LRPAP1: variants seen among roughly 807,000 people sequenced by gnomAD.
The protein encoded by LRPAP1 is alpha-2-macroglobulin receptor-associated protein.
A neutral mutation model predicts 39.9 loss-of-function variants in LRPAP1; 41 were observed. The ratio of observed to expected loss-of-function variants is 1.03; its 90% CI spans 0.80 to 1.33. The LOEUF (loss-of-function observed/expected upper bound fraction) is 1.33, where lower values mean the gene tolerates loss of function less well. Among genes scored for constraint, LRPAP1 ranks in the 40% most tolerant of loss-of-function variants. The probability of loss-of-function intolerance (pLI) is 0.00; values close to 1 mark genes in which losing one functional copy is unlikely to be tolerated. For synonymous variants in LRPAP1, 263 were observed against 212.7 expected (o/e 1.24, Z -2.06); for missense variants, 565 against 482.3 (o/e 1.17, Z -1.61).
chr4:3,518,971 G>C lies in LRPAP1; in HGVS notation c.492C>G (p.Phe164Leu), dbSNP rs765366946. The stretch of plus-strand genomic sequence containing the variant: ...AGAGCTTGTCCAGTTCTTCGCCGGA[G>C]AATTTCCCAGAGGTCTTCGCCTAAG... ...LWHKAKTSGK[F>L]SGEELDKLWR... Residue 164 changes from phenylalanine to leucine, a missense_variant, in exon 4 of 8, where the codon TTC becomes TTG. Transcript: ENST00000650182. The C allele has an allele frequency of 9.3e-6, 15 of 1,613,904 alleles. No individual in the cohort carries two copies. Among genetic ancestry groups the C allele is most frequent in the Non-Finnish European group, 1.3e-5 (15 of 1,179,972 alleles).
intron 1 of LRPAP1, among the ~76,000 whole-genome samples, chr4:3,525,380 A>G (rs1279859834): frequency 6.6e-6 from 1 of 152,188 alleles, no homozygotes; most frequent in Non-Finnish European, 1.5e-5. Context: ...TCGGATAAAC[A>G]GAGCAGGAAG....
intron 2 of LRPAP1, among the ~76,000 whole-genome samples, chr4:3,523,355 ATG>A (rs1390728798): frequency 6.6e-6 from 1 of 152,154 alleles, no homozygotes; most frequent in Non-Finnish European, 1.5e-5. Flanking sequence ...TGTTTCAGCC[ATG>A]TCTCTCTTCC....
rs138047359 is a variant in LRPAP1 at position 3,528,045 on chromosome 4, G to C, written c.205-2994C>G. 4.5e-3 allele frequency among the ~76,000 whole-genome samples: 684 copies of C among 152,254 alleles called. 5 individuals are homozygous for C. Among genetic ancestry groups the C allele is most frequent in the African/African-American group, 0.015 (642 of 41,538 alleles). ...GGCTGCCAGTGCTCAGCGCAGAAGG[G>C]GCCAGCCTGGCAGCACCACCACAAA... On this transcript the variant is annotated intron_variant, in intron 1 of 7. Transcript: ENST00000650182.
rs914144626 is a variant in LRPAP1 at position 3,510,949 on chromosome 4, A to G, written c.*2025T>C. ...GACCAGCCACACCCATGGAACTAAC[A>G]CTCGGTATCTGGGTTTTTTGTGTAA... On this transcript the variant is annotated 3_prime_UTR_variant, in exon 8 of 8. Transcript: ENST00000650182. 1.1e-4 allele frequency: 16 copies of G among 152,070 alleles called. No individual in the cohort carries two copies. The highest frequency in any genetic ancestry group is 3.4e-4 in the African/African-American group (14 of 41,352). The allele number at this position is 152,070 out of a possible 1,614,324, so 9.4% of individuals were successfully genotyped here.
At chr4:3,529,795 G>A (rs1243016611) in intron 1 of LRPAP1, among the ~76,000 whole-genome samples, 1 of 152,176 alleles carries the variant, frequency 6.6e-6, no homozygotes, top group Non-Finnish European at 1.5e-5. Flanking sequence ...TTCCTGAAAC[G>A]CTCCCTTCAC....
In LRPAP1 at chr4:3,516,164, G is replaced by T; in HGVS notation, c.786C>A (p.Asp262Glu). 1.3e-6 allele frequency: 2 copies of T among 1,582,230 alleles called. No homozygotes were observed. Among genetic ancestry groups the T allele is most frequent in the Non-Finnish European group, 1.7e-6 (2 of 1,164,646 alleles). The change falls in exon 6 of 8, where the codon GAC (aspartate) becomes GAA (glutamate). Residue 262 changes from aspartate (D) to glutamate (E), a missense_variant. Asp to Glu is a conservative substitution (Grantham distance 45, BLOSUM62 2). Transcript: ENST00000650182. ...FEEPRVIDLW[D>E]LAQSANLTDK... ...CCGTGAGGTTGGCGGACTGCGCCAG[G>T]TCCCACAGGTCAATCACCCTGGGCT...
intron 1 of LRPAP1, among the ~76,000 whole-genome samples, chr4:3,530,914 G>T (rs936423976): frequency 1.3e-5 from 2 of 152,082 alleles, no homozygotes; most frequent in Non-Finnish European, 2.9e-5. Flanking sequence ...AGTCTATTTC[G>T]GGCTCCCCAT....
chr4:3,529,644 GAA>G (rs1434308107), intron 1 of LRPAP1, among the ~76,000 whole-genome samples: 1 of 152,190 alleles, frequency 6.6e-6, no homozygotes, highest in Non-Finnish European at 1.5e-5. Flanking sequence ...GAGAGTCACA[GAA>G]AGTCAAGATT....
chr4:3,515,493 C>T (rs1335567387), intron 6 of LRPAP1, among the ~76,000 whole-genome samples: 2 of 152,264 alleles, frequency 1.3e-5, no homozygotes, highest in East Asian at 1.9e-4. Context: ...CCAGGAAAGT[C>T]CCAAGTCCTA....
Position 3,511,048 on chromosome 4 carries a change from T to C in LRPAP1, c.*1926A>G, listed in dbSNP as rs1278261837. 6.6e-6 allele frequency: 1 copy of C among 152,294 alleles called. No homozygotes were observed. Among genetic ancestry groups the C allele is most frequent in the Non-Finnish European group, 1.5e-5 (1 of 68,048 alleles). 9.4% of individuals were successfully genotyped at this position (152,294 alleles called of 1,614,324 possible). On this transcript the variant is annotated 3_prime_UTR_variant, in exon 8 of 8. Transcript: ENST00000650182. ...TACAGTAAGACACGCTACTCCGCAATTAGACACCACAAAACGCCAGCCAGG... is the reference window on the plus strand; with the variant it reads ...TACAGTAAGACACGCTACTCCGCAACTAGACACCACAAAACGCCAGCCAGG...
At chr4:3,517,917 T>G in intron 5 of LRPAP1, 117 bp downstream of exon 5, 1 of 1,334,860 alleles carries the variant, frequency 7.5e-7, no homozygotes, top group Non-Finnish European at 1.0e-6. Context: ...GCCGAGGGTC[T>G]CCGCTGCGTC....
At chr4:3,513,870 C>T (rs1171483712) in intron 7 of LRPAP1, among the ~76,000 whole-genome samples, 3 of 152,258 alleles carry the variant, frequency 2.0e-5, no homozygotes, top group East Asian at 3.8e-4. Flanking sequence ...CATAGAAGCC[C>T]GTGGCTCAGG....
At position 3,515,031 on chromosome 4, in the gene LRPAP1, C is replaced by T. The variant is rs572402967; in HGVS notation, c.835-103G>A. On this transcript the variant is annotated intron_variant, in intron 6 of 7. Transcript: ENST00000650182. Reference sequence around the variant, plus strand: ...GGACGCCAAAGGACGGCGCCATACCCGGGGCAGGACAGGCCTTGCGGTGAC... The same window carrying T: ...GGACGCCAAAGGACGGCGCCATACCTGGGGCAGGACAGGCCTTGCGGTGAC... The T allele has an allele frequency of 5.4e-5, 72 of 1,326,854 alleles. 1 individual carries two copies. Among genetic ancestry groups the T allele is most frequent in the South Asian group, 4.2e-4 (32 of 76,278 alleles). 82.2% of individuals were successfully genotyped at this position (1,326,854 alleles called of 1,614,324 possible).
In LRPAP1 at chr4:3,516,025, TGGA is replaced by T. The variant is rs1729683714; in HGVS notation, c.834+88_834+90del. 13 of 1,223,282 alleles carry T rather than the reference TGGA, an allele frequency of 1.1e-5. No individual in the cohort carries two copies. In the South Asian group the frequency reaches 1.7e-4, roughly 16 times the overall value. 75.8% of individuals were successfully genotyped at this position (1,223,282 alleles called of 1,614,324 possible). A position where few individuals can be genotyped will look rare whatever the true frequency, so the allele number is the denominator to read the frequency against. On this transcript the variant is annotated intron_variant, in intron 6 of 7. Transcript: ENST00000650182. ...TGCGAGAATCTTGAGAGAGAGAGCT[TGGA>T]GGAGAGGGCTGCATTTCCTTACCCG...
chr4:3,520,468 G>C (rs1309513131), intron 2 of LRPAP1, among the ~76,000 whole-genome samples: 3 of 152,210 alleles, frequency 2.0e-5, no homozygotes, highest in Non-Finnish European at 4.4e-5. Context: ...ACGCCGGCTG[G>C]AGTCCTCCAT....
intron 3 of LRPAP1, 118 bp from the exon 4 acceptor site, chr4:3,519,109 G>A (rs1729826640): frequency 2.7e-6 from 4 of 1,486,340 alleles, no homozygotes; most frequent in Admixed American, 4.6e-5. Context: ...TGCCAGGCCA[G>A]GTTCTTGGCC....
intron 3 of LRPAP1, among the ~76,000 whole-genome samples, chr4:3,519,785 C>T (rs1258678480): frequency 6.6e-6 from 1 of 152,236 alleles, no homozygotes; most frequent in Admixed American, 6.5e-5. Flanking sequence ...GCCCATGCTA[C>T]GTCACCATCC....
chr4:3,516,800 T>A (rs577993699), intron 5 of LRPAP1, among the ~76,000 whole-genome samples: 75 of 152,340 alleles, frequency 4.9e-4, no homozygotes, highest in African/African-American at 1.7e-3. Flanking sequence ...CAGAGCCGCC[T>A]GCCCATGGAG....
At position 3,507,298 on chromosome 4, in the gene LRPAP1, A is replaced by T. The variant is rs1729383743; in HGVS notation, c.*5676T>A. On this transcript the variant is annotated 3_prime_UTR_variant, in exon 8 of 8. Transcript: ENST00000650182. ...TAAGTAGGCCCTTCCCAAAGACGCC[A>T]CCCAAATGGCCAAGAGCAGACAAAA... 6.6e-6 allele frequency: 1 copy of T among 152,210 alleles called. No individual in the cohort carries two copies. Among genetic ancestry groups the T allele is most frequent in the South Asian group, 2.1e-4 (1 of 4,830 alleles). 9.4% of individuals were successfully genotyped at this position (152,210 alleles called of 1,614,324 possible).
Sources: gnomAD v4.1 joint callset for allele counts (sites outside exome capture counted in the v4.1 genomes callset) on GRCh38, gnomAD v4.1.1 for gene constraint, MANE v1.5 for transcripts, NCBI Gene and HGNC (gene_info 2026-07-23, HGNC 2026-07-21) for gene names.